FYB2: variants seen among roughly 807,000 people sequenced by gnomAD.
FYB2 encodes FYN-binding protein 2.
FYB2 carries 103 observed loss-of-function variants against 94.1 expected under a neutral mutation model. The observed-to-expected ratio is 1.09, with a 90% CI of 0.93 to 1.29. The LOEUF (loss-of-function observed/expected upper bound fraction) is 1.29. FYB2 is among the 50% of genes most tolerant of loss of function. The pLI, the probability that FYB2 is intolerant of heterozygous loss-of-function variation, is 0.00. For missense variants in FYB2, 896 were observed against 841.5 expected (o/e 1.06, Z -0.80); for synonymous variants, 293 against 287.9 (o/e 1.02, Z -0.18).
intron 11 of FYB2, 80 bp from the exon 12 acceptor site, chr1:56,742,301 A>G: frequency 1.9e-6 from 2 of 1,041,428 alleles, no homozygotes; most frequent in South Asian, 1.5e-5. Flanking sequence ...AGTATTAGAT[A>G]CTTACTAGAT....
In FYB2 at chr1:56,723,579, A is replaced by C. The variant is rs201403009; in HGVS notation, c.1974+9T>G. On this transcript the variant is annotated intron_variant, in intron 17 of 19. Transcript: ENST00000343433. The stretch of plus-strand genomic sequence containing the variant: ...TATTGCTAATTTTTACCTTCAGAAG[A>C]GAACGTACCTTAAACCTTTCTCTAA... 6.8e-7 allele frequency: 1 copy of C among 1,468,794 alleles called. No individual in the cohort carries two copies. 91.0% of individuals were successfully genotyped at this position (1,468,794 alleles called of 1,614,324 possible). A position where few individuals can be genotyped will look rare whatever the true frequency, so the allele number is the denominator to read the frequency against.
intron 3 of FYB2, 62 bp from the exon 4 acceptor site, chr1:56,787,270 A>G: frequency 6.3e-7 from 1 of 1,583,264 alleles, no homozygotes; most frequent in Non-Finnish European, 8.7e-7. Flanking sequence ...AAAGTGAATG[A>G]TGCTTGTGTG....
chr1:56,789,189 G>T, intron 2 of FYB2, 55 bp from the exon 3 acceptor site: 2 of 1,521,380 alleles, frequency 1.3e-6, no homozygotes, highest in Non-Finnish European at 1.8e-6. Flanking sequence ...TTCATAGCTT[G>T]TGGGTAAAAC....
At chr1:56,777,803 C>T (rs1469473681) in intron 4 of FYB2, among the ~76,000 whole-genome samples, 1 of 152,078 alleles carries the variant, frequency 6.6e-6, no homozygotes, top group African/African-American at 2.4e-5. Context: ...TCTGTGCAAA[C>T]TCATATTTTT....
At chr1:56,819,455 C>T (rs1646961971), upstream of FYB2, 11 of 980,334 alleles carry the variant, frequency 1.1e-5, no homozygotes, top group East Asian at 2.1e-4. Context: ...GGCCGAGGCT[C>T]CTCCCTTGCC....
intron 15 of FYB2, among the ~76,000 whole-genome samples, chr1:56,727,845 A>AT (rs1461776961): frequency 6.6e-6 from 1 of 152,090 alleles, no homozygotes; most frequent in Non-Finnish European, 1.5e-5. Context: ...TTTACAAATG[A>AT]TTTTTTAAGA....
At chr1:56,825,737 G>A in the FYB2 span, among the ~76,000 whole-genome samples, 2 of 152,178 alleles carry the variant, frequency 1.3e-5, no homozygotes, top group Non-Finnish European at 2.9e-5. Context: ...TCCAACACAT[G>A]TTTATTGAAC....
At chr1:56,760,313 T>C (rs1417446143) in intron 5 of FYB2, among the ~76,000 whole-genome samples, 1 of 152,162 alleles carries the variant, frequency 6.6e-6, no homozygotes, top group East Asian at 1.9e-4. Flanking sequence ...GAACAATATG[T>C]TGCATTTCCA....
intron 4 of FYB2, among the ~76,000 whole-genome samples, chr1:56,779,596 A>ATGTT (rs539107101): frequency 6.6e-6 from 1 of 152,186 alleles, no homozygotes; most frequent in Non-Finnish European, 1.5e-5. Flanking sequence ...GAATCTTGAA[A>ATGTT]TGTTTTATTT....
rs1000628587 is a variant in FYB2 at position 56,764,649 on chromosome 1, G to A, written c.1063+3180C>T. On this transcript the variant is annotated intron_variant, in intron 5 of 19. Transcript: ENST00000343433. The stretch of plus-strand genomic sequence containing the variant: ...CAAGCATGTCCATAACTATGCATTG[G>A]AAAATTTTATAAAAGCTGCTTTAAA... 1.1e-4 allele frequency among the ~76,000 whole-genome samples: 16 copies of A among 151,546 alleles called. No homozygotes were observed. In the East Asian group the frequency reaches 1.2e-3, roughly 11 times the overall value.
intron 1 of FYB2, among the ~76,000 whole-genome samples, chr1:56,795,652 C>T (rs1332499498): frequency 6.8e-6 from 1 of 147,908 alleles, no homozygotes; most frequent in Non-Finnish European, 1.5e-5. Context: ...TTTTTTTTTA[C>T]AATAGCCATC....
intron 4 of FYB2, among the ~76,000 whole-genome samples, chr1:56,778,460 T>G (rs890540694): frequency 2.0e-5 from 3 of 152,140 alleles, no homozygotes; most frequent in Non-Finnish European, 2.9e-5. Flanking sequence ...GGTTTTTTGT[T>G]TTTATCCTTT....
intron 15 of FYB2, among the ~76,000 whole-genome samples, chr1:56,733,598 C>A (rs1003744099): frequency 1.3e-5 from 2 of 152,124 alleles, no homozygotes; most frequent in African/African-American, 4.8e-5. Flanking sequence ...CTACACACTG[C>A]TTTAAATGTG....
At chr1:56,793,906 T>A (rs754699841) in intron 1 of FYB2, among the ~76,000 whole-genome samples, 4 of 152,156 alleles carry the variant, frequency 2.6e-5, no homozygotes, top group Admixed American at 6.5e-5. Context: ...TATGTTCACA[T>A]GAAGACTCCA....
intron 1 of FYB2, among the ~76,000 whole-genome samples, chr1:56,814,873 T>C (rs1646845991): frequency 1.3e-5 from 2 of 152,092 alleles, no homozygotes; most frequent in Admixed American, 1.3e-4. Context: ...GAAGCCTACA[T>C]GGGGTTTCAC....
chr1:56,777,575 G>A (rs923477184), intron 4 of FYB2, among the ~76,000 whole-genome samples: 2 of 152,102 alleles, frequency 1.3e-5, no homozygotes, highest in East Asian at 1.9e-4. Context: ...ATATACTTGA[G>A]TCTTAAGCCG....
intron 4 of FYB2, among the ~76,000 whole-genome samples, chr1:56,781,798 C>T (rs878901229): frequency 6.6e-6 from 1 of 152,230 alleles, no homozygotes; most frequent in Non-Finnish European, 1.5e-5. Context: ...ACCTCCATTT[C>T]CTGAGCTCAC....
intron 4 of FYB2, among the ~76,000 whole-genome samples, chr1:56,772,142 C>A (rs1645773011): frequency 6.6e-6 from 1 of 152,060 alleles, no homozygotes; most frequent in Non-Finnish European, 1.5e-5. Flanking sequence ...CCATAGAGCT[C>A]ATGCTTCAAT....
intron 6 of FYB2, among the ~76,000 whole-genome samples, chr1:56,756,466 T>C (rs1421912933): frequency 2.6e-5 from 4 of 152,132 alleles, no homozygotes; most frequent in African/African-American, 9.7e-5. Flanking sequence ...ACATTCATTA[T>C]TTGGAATCTG....
Sources: allele counts gnomAD v4.1 joint callset (sites outside exome capture counted in the v4.1 genomes callset), GRCh38; gene constraint gnomAD v4.1.1; transcripts MANE v1.5; gene names NCBI Gene and HGNC (gene_info 2026-07-23, HGNC 2026-07-21).